The following LRRTM4 variants were observed in gnomAD, a reference collection of about 807,000 sequenced individuals.
The protein encoded by LRRTM4 is leucine-rich repeat transmembrane neuronal protein 4.
Under a neutral mutation model 47.6 loss-of-function variants are expected in LRRTM4, and 25 were observed. That is an observed-to-expected ratio of 0.53 (90% confidence interval 0.38 to 0.73). The LOEUF (loss-of-function observed/expected upper bound fraction) is 0.73, where lower values mean the gene tolerates loss of function less well. LRRTM4 is among the 30% of genes least tolerant of loss of function. The pLI, the probability that LRRTM4 is intolerant of heterozygous loss-of-function variation, is 0.00. For synonymous variants in LRRTM4, 311 were observed against 269.5 expected, an observed-to-expected ratio of 1.15 and a Z score of -1.51; for missense variants, 638 against 713.4, an observed-to-expected ratio of 0.89 and a Z score of 1.20.
At chr2:77,486,196 C>G (rs2104030574) in intron 3 of LRRTM4, among the ~76,000 whole-genome samples, 1 of 152,210 alleles carries the variant, frequency 6.6e-6, no homozygotes, top group East Asian at 1.9e-4. Flanking sequence ...CTTTCCAATT[C>G]AATAAAGCAT....
In LRRTM4 at chr2:76,811,158, CTTCT is replaced by C. The variant is rs550174403; in HGVS notation, c.1552-62246_1552-62243del. 3.6e-4 allele frequency among the ~76,000 whole-genome samples: 55 copies of C among 152,260 alleles called. No individual in the cohort carries two copies. In the East Asian group the frequency reaches 9.1e-3, roughly 25 times the overall value. Reference sequence around the variant, plus strand: ...TGAACCCTGGAATTTCCATAGTTAACTTCTTTCTGTTAAGGCTTTGCTGCAAAAG... The same window carrying C: ...TGAACCCTGGAATTTCCATAGTTAACTTCTGTTAAGGCTTTGCTGCAAAAG... On this transcript the variant is annotated intron_variant, in intron 3 of 3. Transcript: ENST00000409884.
rs181840223 is a variant in LRRTM4, at chr2:77,123,145, C to T, written c.1552-374229G>A. Among the ~76,000 whole-genome samples the T allele has an allele frequency of 2.0e-3, 307 of 150,358 alleles. 1 individual carries two copies. Among genetic ancestry groups the T allele is most frequent in the Admixed American group, 3.6e-3 (55 of 15,076 alleles). On this transcript the variant is annotated intron_variant, in intron 3 of 3. Transcript: ENST00000409884. ...TCATGAAAGGAAATAGATCAGTTGACGCAAGAAAAATACATAAGCAAATGA... is the reference window on the plus strand; with the variant it reads ...TCATGAAAGGAAATAGATCAGTTGATGCAAGAAAAATACATAAGCAAATGA...
chr2:77,401,312 A>G (rs1043959743), intron 3 of LRRTM4, among the ~76,000 whole-genome samples: 2 of 151,980 alleles, frequency 1.3e-5, no homozygotes, highest in Middle Eastern at 3.2e-3. Flanking sequence ...ATGTTATAGA[A>G]TACTTAAATG....
intron 3 of LRRTM4, among the ~76,000 whole-genome samples, chr2:76,906,139 G>C (rs568826782): frequency 3.9e-5 from 6 of 152,328 alleles, no homozygotes; most frequent in Admixed American, 1.3e-4. Context: ...CAGACTAACA[G>C]CTGATCTCTC....
chr2:77,020,138 G>A (rs1678215053), intron 3 of LRRTM4, among the ~76,000 whole-genome samples: 1 of 151,936 alleles, frequency 6.6e-6, no homozygotes, highest in African/African-American at 2.4e-5. Context: ...GGAAGAGAAA[G>A]ATGAAGAAAG....
rs148190746 is a variant in LRRTM4, at chr2:76,812,036, T to C, written c.1552-63120A>G. Among the ~76,000 whole-genome samples, 370 of 152,336 alleles carry C rather than the reference T, an allele frequency of 2.4e-3. 6 individuals carry two copies. Among genetic ancestry groups the C allele is most frequent in the African/African-American group, 8.6e-3 (356 of 41,590 alleles). The stretch of plus-strand genomic sequence containing the variant: ...GTATTTCAAACACTGAGTTTATTTT[T>C]TTCCTGGAGCAATAAAACATTAAAA... On this transcript the variant is annotated intron_variant, in intron 3 of 3. Coordinates refer to ENST00000409884, the MANE Select transcript of LRRTM4 (RefSeq NM_001134745.3).
chr2:77,117,241 T>G (rs914465682), intron 3 of LRRTM4, among the ~76,000 whole-genome samples: 1 of 152,078 alleles, frequency 6.6e-6, no homozygotes, highest in Non-Finnish European at 1.5e-5. Context: ...TTTTCAAATA[T>G]CTATAATTGT....
At chr2:77,205,286 A>C (rs1209581271) in intron 3 of LRRTM4, among the ~76,000 whole-genome samples, 1 of 152,212 alleles carries the variant, frequency 6.6e-6, no homozygotes, top group Non-Finnish European at 1.5e-5. Flanking sequence ...AACAAATCAG[A>C]AACCAAGAAA....
chr2:77,385,165 C>G (rs1367387417), intron 3 of LRRTM4, among the ~76,000 whole-genome samples: 2 of 151,946 alleles, frequency 1.3e-5, no homozygotes, highest in Non-Finnish European at 2.9e-5. Context: ...AAAACTTGCC[C>G]CTGAGAAACA....
chr2:77,236,591 T>C (rs1326205398), intron 3 of LRRTM4, among the ~76,000 whole-genome samples: 3 of 152,082 alleles, frequency 2.0e-5, no homozygotes, highest in Non-Finnish European at 4.4e-5. Flanking sequence ...GAGCATCCTT[T>C]TCTCATATAA....
chr2:76,951,835 T>C (rs1253545834), intron 3 of LRRTM4, among the ~76,000 whole-genome samples: 2 of 151,676 alleles, frequency 1.3e-5, no homozygotes, highest in Non-Finnish European at 2.9e-5. Context: ...CCTGTGTCCA[T>C]GTGTTGTCAT....
chr2:77,504,775 C>A (rs1678705158), intron 3 of LRRTM4, among the ~76,000 whole-genome samples: 1 of 106,810 alleles, frequency 9.4e-6, no homozygotes, highest in Non-Finnish European at 2.0e-5. Context: ...AAATATATGA[C>A]TAGAGAAGAT....
At chr2:76,915,494 G>A (rs112502424) in intron 3 of LRRTM4, among the ~76,000 whole-genome samples, 2,552 of 152,272 alleles carry the variant, frequency 0.017, 34 homozygotes, top group South Asian at 0.042. Context: ...TAAGGTTTCT[G>A]ACATATTACT....
intron 3 of LRRTM4, among the ~76,000 whole-genome samples, chr2:77,101,421 C>T (rs908639579): frequency 6.6e-6 from 1 of 152,052 alleles, no homozygotes; most frequent in East Asian, 1.9e-4. Context: ...TAAGCAACTA[C>T]CACCAAAACT....
rs902610802 is a variant in LRRTM4 at position 77,431,893 on chromosome 2, G to T, written c.1551+86425C>A. 3.9e-4 allele frequency among the ~76,000 whole-genome samples: 59 copies of T among 150,102 alleles called. 6 individuals carry two copies. Among genetic ancestry groups the T allele is most frequent in the African/African-American group, 1.4e-3 (57 of 39,556 alleles). The stretch of plus-strand genomic sequence containing the variant: ...GATCGAGACCATCCTGGCCAACATG[G>T]GGAAACCCTGTCTCTACTAAAAATA... On this transcript the variant is annotated intron_variant, in intron 3 of 3. Coordinates refer to ENST00000409884, the MANE Select transcript of LRRTM4 (RefSeq NM_001134745.3).
At chr2:76,923,447 A>C (rs1360655015) in intron 3 of LRRTM4, among the ~76,000 whole-genome samples, 2 of 152,024 alleles carry the variant, frequency 1.3e-5, no homozygotes, top group Non-Finnish European at 2.9e-5. Flanking sequence ...CTCAAAACTG[A>C]GCAAAAAAAA....
intron 3 of LRRTM4, among the ~76,000 whole-genome samples, chr2:77,175,064 T>C (rs1673154544): frequency 9.1e-6 from 1 of 110,172 alleles, no homozygotes; most frequent in Non-Finnish European, 1.7e-5. Context: ...TTTTTCTTTA[T>C]TTCTTTTTTC....
intron 3 of LRRTM4, among the ~76,000 whole-genome samples, chr2:76,998,772 T>TTG (rs936127691): frequency 6.6e-6 from 1 of 151,428 alleles, no homozygotes; most frequent in African/African-American, 2.4e-5. Context: ...ATTTTCTGTT[T>TTG]TTTTTTTTTT....
intron 3 of LRRTM4, among the ~76,000 whole-genome samples, chr2:77,095,158 T>C (rs924821779): frequency 6.6e-6 from 1 of 152,170 alleles, no homozygotes; most frequent in Non-Finnish European, 1.5e-5. Flanking sequence ...AACAGATATA[T>C]GAAAACTAAT....
Sources: gnomAD v4.1 joint callset for allele counts (sites outside exome capture counted in the v4.1 genomes callset) on GRCh38, gnomAD v4.1.1 for gene constraint, MANE v1.5 for transcripts, NCBI Gene and HGNC (gene_info 2026-07-23, HGNC 2026-07-21) for gene names.